The following RARB variants were observed in gnomAD, a reference collection of about 807,000 sequenced individuals.
The protein encoded by RARB is HBV-activated protein.
Under a neutral mutation model 51.9 loss-of-function variants are expected in RARB, and 17 were observed. That is an observed-to-expected ratio of 0.33 (90% CI 0.22 to 0.49). The LOEUF is 0.49. RARB is among the 20% of genes least tolerant of loss of function. RARB has a pLI of 0.99. For synonymous variants in RARB, 215 were observed against 195.4 expected, an observed-to-expected ratio of 1.10 and a Z score of -0.84; for missense variants, 369 against 550.8, an observed-to-expected ratio of 0.67 and a Z score of 3.30.
At chr3:25,286,220 C>A (rs1228229242) in intron 5 of RARB, among the ~76,000 whole-genome samples, 1 of 149,992 alleles carries the variant, frequency 6.7e-6, no homozygotes, top group Non-Finnish European at 1.5e-5. Flanking sequence ...TCCCAAGTAG[C>A]TGGGACTACA....
intron 2 of RARB, among the ~76,000 whole-genome samples, chr3:25,058,934 T>G (rs1422236570): frequency 6.6e-6 from 1 of 151,620 alleles, no homozygotes; most frequent in Non-Finnish European, 1.5e-5. Context: ...GTAGAAAACT[T>G]GAAAGTTACA....
chr3:25,415,953 G>C (rs186177716), intron 5 of RARB, among the ~76,000 whole-genome samples: 202 of 152,280 alleles, frequency 1.3e-3, no homozygotes, highest in African/African-American at 4.5e-3. Context: ...ATGCCAGGTA[G>C]GGTTATAAAT....
intron 1 of RARB, among the ~76,000 whole-genome samples, chr3:25,444,665 G>A (rs558215942): frequency 6.3e-4 from 96 of 152,304 alleles, no homozygotes; most frequent in African/African-American, 2.2e-3. Context: ...GAACTGCAGT[G>A]TCCAGTACGG....
chr3:25,468,770 C>G (rs1298730500), intron 2 of RARB, among the ~76,000 whole-genome samples: 1 of 152,240 alleles, frequency 6.6e-6, no homozygotes, highest in Non-Finnish European at 1.5e-5. Flanking sequence ...GGCAGTCAGT[C>G]TTTCCCAAGA....
intron 2 of RARB, among the ~76,000 whole-genome samples, chr3:25,487,439 A>T (rs943907727): frequency 4.0e-5 from 6 of 150,694 alleles, no homozygotes; most frequent in Non-Finnish European, 7.4e-5. Context: ...ACACACACTG[A>T]TACAATAGAT....
chr3:25,109,505 A>G (rs1699564489), intron 3 of RARB, among the ~76,000 whole-genome samples: 1 of 152,214 alleles, frequency 6.6e-6, no homozygotes, highest in African/African-American at 2.4e-5. Flanking sequence ...TTTTTTAAAC[A>G]GTCTCCTGAA....
intron 3 of RARB, among the ~76,000 whole-genome samples, chr3:25,564,356 T>A (rs1443068690): frequency 6.6e-6 from 1 of 152,240 alleles, no homozygotes; most frequent in Non-Finnish European, 1.5e-5. Flanking sequence ...GGAGCACCTT[T>A]CATCCAAGAA....
rs149716166 is a variant in RARB at position 25,074,366 on chromosome 3, T to C, written c.-328+14190T>C. On this transcript the variant is annotated intron_variant, in intron 3 of 11. Coordinates refer to the RARB transcript ENST00000383772. ...TGAAAATCAGAATGATAGGAGTGTG[T>C]TTATTTTATCCTGGACAGTTGCTAC... Among the ~76,000 whole-genome samples, 4 of 152,262 alleles carry C rather than the reference T, an allele frequency of 2.6e-5. No individual in the cohort carries two copies. The East Asian group carries it at 7.7e-4, about 29-fold the overall frequency.
intron 5 of RARB, among the ~76,000 whole-genome samples, chr3:25,216,594 G>C (rs1346570790): frequency 6.6e-6 from 1 of 151,640 alleles, no homozygotes; most frequent in Non-Finnish European, 1.5e-5. Flanking sequence ...GGGGTGGGGG[G>C]TTGTGAGGGG....
intron 4 of RARB, among the ~76,000 whole-genome samples, chr3:25,165,372 T>C (rs926539291): frequency 2.0e-5 from 3 of 152,146 alleles, no homozygotes; most frequent in African/African-American, 7.2e-5. Context: ...TCTGTCTTTC[T>C]AGGTGTCTTA....
chr3:25,335,496 G>A (rs1257336151), intron 5 of RARB, among the ~76,000 whole-genome samples: 1 of 152,168 alleles, frequency 6.6e-6, no homozygotes, highest in African/African-American at 2.4e-5. Flanking sequence ...TCTGTCTCCT[G>A]CCTTGTGCAT....
intron 2 of RARB, among the ~76,000 whole-genome samples, chr3:25,002,392 T>C (rs1697180333): frequency 6.6e-6 from 1 of 152,094 alleles, no homozygotes; most frequent in Non-Finnish European, 1.5e-5. Context: ...ACTTGGCACA[T>C]GGGAAACTCT....
intron 3 of RARB, among the ~76,000 whole-genome samples, chr3:25,559,663 G>T (rs760455762): frequency 3.9e-5 from 6 of 152,198 alleles, no homozygotes; most frequent in Non-Finnish European, 7.3e-5. Context: ...TGGTTGGATG[G>T]GTGGATGGTT....
At chr3:25,515,239 T>C (rs1698100322) in intron 3 of RARB, among the ~76,000 whole-genome samples, 1 of 152,246 alleles carries the variant, frequency 6.6e-6, no homozygotes, top group Admixed American at 6.5e-5. Context: ...GGTGCTTTAC[T>C]CCACCAGAAT....
At chr3:25,562,964 A>G (rs767026678) in intron 3 of RARB, among the ~76,000 whole-genome samples, 11 of 152,238 alleles carry the variant, frequency 7.2e-5, no homozygotes, top group Non-Finnish European at 8.8e-5. Flanking sequence ...GTATATTCTG[A>G]TATTTCAGAG....
chr3:25,308,901 T>C (rs1468015011), intron 5 of RARB, among the ~76,000 whole-genome samples: 2 of 152,220 alleles, frequency 1.3e-5, no homozygotes, highest in African/African-American at 2.4e-5. Context: ...GATGTGGTTC[T>C]ACCAATGTGG....
At chr3:25,094,486 G>A (rs1203910104) in intron 3 of RARB, among the ~76,000 whole-genome samples, 1 of 152,050 alleles carries the variant, frequency 6.6e-6, no homozygotes, top group East Asian at 1.9e-4. Flanking sequence ...GGAGGCCAAG[G>A]TGGGTGGATC....
intron 5 of RARB, among the ~76,000 whole-genome samples, chr3:25,288,967 C>A (rs1231788739): frequency 2.0e-5 from 3 of 152,150 alleles, no homozygotes; most frequent in Non-Finnish European, 4.4e-5. Context: ...TATTTGGAGA[C>A]CTTAATTTCT....
At chr3:25,064,799 G>T (rs771976074) in intron 3 of RARB, among the ~76,000 whole-genome samples, 3 of 152,096 alleles carry the variant, frequency 2.0e-5, no homozygotes, top group Non-Finnish European at 4.4e-5. Context: ...ATCCCATATG[G>T]GTCAGCTTTC....
Sources: gnomAD v4.1 joint callset for allele counts (sites outside exome capture counted in the v4.1 genomes callset) on GRCh38, gnomAD v4.1.1 for gene constraint, MANE v1.5 for transcripts, NCBI Gene and HGNC (gene_info 2026-07-23, HGNC 2026-07-21) for gene names.